SLC24A2: variants seen among roughly 807,000 people sequenced by gnomAD.
SLC24A2 encodes solute carrier family 24 member 2, also known as sodium/potassium/calcium exchanger 2.
A neutral mutation model predicts 62.0 loss-of-function variants in SLC24A2; 36 were observed. That is an observed-to-expected ratio of 0.58 (90% CI 0.44 to 0.77). The LOEUF (loss-of-function observed/expected upper bound fraction) is 0.77, where lower values mean the gene tolerates loss of function less well. Ranked by LOEUF, SLC24A2 falls within the 30% of genes least tolerant of loss-of-function variation. The pLI is 0.00. For missense variants in SLC24A2, 846 were observed against 817.9 expected, an observed-to-expected ratio of 1.03 and a Z score of -0.42; for synonymous variants, 358 against 294.0, an observed-to-expected ratio of 1.22 and a Z score of -2.23.
chr9:19,979,625 C>T, the SLC24A2 span, among the ~76,000 whole-genome samples: 36,878 of 151,880 alleles, frequency 0.24, 5,209 homozygotes, highest in South Asian at 0.4. Context: ...TCGATCTCTA[C>T]AAATGGCCTT....
At chr9:20,155,990 T>C in the SLC24A2 span, among the ~76,000 whole-genome samples, 1 of 151,816 alleles carries the variant, frequency 6.6e-6, no homozygotes, top group East Asian at 1.9e-4. Context: ...TTATTTATAA[T>C]TAGAATACTT....
At chr9:19,710,760 G>A (rs1466791592) in intron 2 of SLC24A2, among the ~76,000 whole-genome samples, 1 of 152,118 alleles carries the variant, frequency 6.6e-6, no homozygotes, top group Non-Finnish European at 1.5e-5. Context: ...GGGGGTTTTA[G>A]GCAGATCGCT....
At chr9:19,584,273 T>TAAAAAAAAAAAAAAAAAAAAAAAAAAA (rs5896848) in intron 5 of SLC24A2, among the ~76,000 whole-genome samples, 2 of 119,942 alleles carry the variant, frequency 1.7e-5, no homozygotes, top group Non-Finnish European at 1.7e-5. Flanking sequence ...TAGCAAATAG[T>TAAAAAAAAAAAAAAAAAAAAAAAAAAA]AAAAAAAAAA....
intron 2 of SLC24A2, among the ~76,000 whole-genome samples, chr9:19,740,062 G>C (rs974131666): frequency 6.6e-6 from 1 of 152,194 alleles, no homozygotes; most frequent in South Asian, 2.1e-4. Context: ...ACGCTGACCA[G>C]ACCGGTCAAA....
chr9:20,144,457 C>T, the SLC24A2 span, among the ~76,000 whole-genome samples: 1 of 152,234 alleles, frequency 6.6e-6, no homozygotes, highest in Non-Finnish European at 1.5e-5. Context: ...TAGCCTGCCA[C>T]ACGTCTTTCC....
At chr9:19,753,856 A>T (rs545653535) in intron 2 of SLC24A2, among the ~76,000 whole-genome samples, 15 of 152,260 alleles carry the variant, frequency 9.9e-5, no homozygotes, top group Non-Finnish European at 2.1e-4. Flanking sequence ...TGTCACATAA[A>T]GTGGCAGGGG....
At chr9:19,860,273 G>A in the SLC24A2 span, among the ~76,000 whole-genome samples, 2 of 152,176 alleles carry the variant, frequency 1.3e-5, no homozygotes, top group Non-Finnish European at 2.9e-5. Flanking sequence ...AGCAGGATAA[G>A]GCAACAGTCA....
At chr9:20,217,028 A>T in the SLC24A2 span, among the ~76,000 whole-genome samples, 81 of 152,182 alleles carry the variant, frequency 5.3e-4, no homozygotes, top group Admixed American at 3.9e-4. Context: ...AAAAGTCAAG[A>T]AGAAAAATGT....
the SLC24A2 span, among the ~76,000 whole-genome samples, chr9:19,932,971 G>C: frequency 0.52 from 79,392 of 152,154 alleles, 21,210 homozygotes; most frequent in East Asian, 0.8. Context: ...ATATAGAATT[G>C]TTGGACTCCT....
chr9:20,303,296 T>C, the SLC24A2 span, among the ~76,000 whole-genome samples: 3 of 152,268 alleles, frequency 2.0e-5, no homozygotes, highest in Non-Finnish European at 4.4e-5. Context: ...CTGAGTGAAT[T>C]GGGAGGGAAA....
chr9:20,279,908 T>G, the SLC24A2 span, among the ~76,000 whole-genome samples: 1 of 152,180 alleles, frequency 6.6e-6, no homozygotes, highest in Non-Finnish European at 1.5e-5. Context: ...AGCTGAGTAT[T>G]TATAAAATTT....
At chr9:20,250,328 C>G in the SLC24A2 span, among the ~76,000 whole-genome samples, 3 of 152,312 alleles carry the variant, frequency 2.0e-5, no homozygotes, top group East Asian at 5.8e-4. Flanking sequence ...GTCTTCTCCT[C>G]AAAATGTTTA....
At chr9:19,545,073 T>C (rs1305848515) in intron 8 of SLC24A2, among the ~76,000 whole-genome samples, 1 of 152,184 alleles carries the variant, frequency 6.6e-6, no homozygotes, top group Non-Finnish European at 1.5e-5. Context: ...CAATCAGAGG[T>C]GGATTTGATC....
At chr9:19,815,957 C>CCT in the SLC24A2 span, among the ~76,000 whole-genome samples, 5 of 88,882 alleles carry the variant, frequency 5.6e-5, no homozygotes, top group African/African-American at 1.5e-4. Context: ...TATTTTTTGC[C>CCT]CCTTTTTTTT....
At chr9:20,300,126 T>C in the SLC24A2 span, among the ~76,000 whole-genome samples, 2 of 152,204 alleles carry the variant, frequency 1.3e-5, no homozygotes, top group Non-Finnish European at 2.9e-5. Flanking sequence ...TTTTTTAAAA[T>C]TTTTATGGAT....
the SLC24A2 span, among the ~76,000 whole-genome samples, chr9:19,852,000 T>C: frequency 6.6e-6 from 1 of 152,194 alleles, no homozygotes; most frequent in Non-Finnish European, 1.5e-5. Flanking sequence ...CTGTGGTTTC[T>C]TGACTTTTTA....
In SLC24A2 at chr9:19,512,968, A is replaced by G. The variant is rs1422000218; in HGVS notation, c.*3185T>C. ...TACATATGTGTATATTTGTAAATAT[A>G]TGTGCATGGAACAAACAACCTTATG... On this transcript the variant is annotated 3_prime_UTR_variant, in exon 11 of 11. Transcript: ENST00000341998. 6.6e-6 allele frequency: 1 copy of G among 151,798 alleles called. No homozygotes were observed. Among genetic ancestry groups the G allele is most frequent in the African/African-American group, 2.4e-5 (1 of 41,314 alleles). 9.4% of individuals were successfully genotyped at this position (151,798 alleles called of 1,614,324 possible). A position where few individuals can be genotyped will look rare whatever the true frequency, so the allele number is the denominator to read the frequency against.
intron 2 of SLC24A2, among the ~76,000 whole-genome samples, chr9:19,726,234 A>C (rs1330455410): frequency 1.3e-5 from 2 of 152,132 alleles, no homozygotes; most frequent in African/African-American, 2.4e-5. Flanking sequence ...ACTTTCTCTC[A>C]ATAGGTAGTC....
At chr9:19,898,741 CAAA>C in the SLC24A2 span, among the ~76,000 whole-genome samples, 14,515 of 95,676 alleles carry the variant, frequency 0.15, 558 homozygotes, top group Middle Eastern at 0.24. Flanking sequence ...GACTCCATCT[CAAA>C]AAAAAAAAAA....
Sources: allele counts gnomAD v4.1 joint callset (sites outside exome capture counted in the v4.1 genomes callset), GRCh38; gene constraint gnomAD v4.1.1; transcripts MANE v1.5; gene names NCBI Gene and HGNC (gene_info 2026-07-23, HGNC 2026-07-21).